FRYL: variants seen among roughly 807,000 people sequenced by gnomAD.
The protein encoded by FRYL is FRY like transcription coactivator.
A neutral mutation model predicts 351.2 loss-of-function variants in FRYL; 150 were observed. The observed-to-expected ratio is 0.43, with a 90% CI of 0.37 to 0.49. FRYL has a LOEUF of 0.49. FRYL is among the 20% of genes least tolerant of loss of function. FRYL has a pLI of 0.00. For missense variants in FRYL, 3,036 were observed against 3,619.3 expected (o/e 0.84, Z 4.13); for synonymous variants, 1,153 against 1,257.1 (o/e 0.92, Z 1.75).
intron 3 of FRYL, among the ~76,000 whole-genome samples, chr4:48,675,826 G>A (rs1261235483): frequency 1.3e-5 from 2 of 152,246 alleles, no homozygotes; most frequent in Non-Finnish European, 2.9e-5. Flanking sequence ...GGGCCTTGGA[G>A]AATCTTTAGG....
chr4:48,538,847 A>G (rs1390065898), intron 47 of FRYL, among the ~76,000 whole-genome samples: 1 of 152,024 alleles, frequency 6.6e-6, no homozygotes, highest in Admixed American at 6.6e-5. Context: ...CCCTCTTAGA[A>G]CTGTTTATAT....
chr4:48,559,168 G>A (rs990247648), intron 33 of FRYL, among the ~76,000 whole-genome samples: 3 of 152,116 alleles, frequency 2.0e-5, no homozygotes, highest in Admixed American at 6.5e-5. Flanking sequence ...CTCAGTCCTG[G>A]CATGCAATTA....
intron 47 of FRYL, among the ~76,000 whole-genome samples, chr4:48,538,855 T>C (rs1242069920): frequency 1.3e-5 from 2 of 152,168 alleles, no homozygotes; most frequent in African/African-American, 4.8e-5. Flanking sequence ...GAACTGTTTA[T>C]ATTTTCAGTC....
chr4:48,712,505 G>A (rs1270513596), intron 1 of FRYL, among the ~76,000 whole-genome samples: 1 of 152,054 alleles, frequency 6.6e-6, no homozygotes, highest in Admixed American at 6.6e-5. Flanking sequence ...AAGCGAGAAG[G>A]GAAGTTTAGA....
chr4:48,771,994 T>C (rs1578989193), intron 1 of FRYL, among the ~76,000 whole-genome samples: 1 of 152,198 alleles, frequency 6.6e-6, no homozygotes, highest in Non-Finnish European at 1.5e-5. Flanking sequence ...CAAAATATGA[T>C]TCTCTGTACA....
At chr4:48,639,365 A>G (rs932530374) in intron 3 of FRYL, among the ~76,000 whole-genome samples, 3 of 152,116 alleles carry the variant, frequency 2.0e-5, no homozygotes, top group African/African-American at 7.2e-5. Context: ...TAGAATAGAG[A>G]GCCCAGAAAT....
At chr4:48,547,859 T>A in intron 40 of FRYL, 90 bp from the exon 41 acceptor site, 1 of 862,866 alleles carries the variant, frequency 1.2e-6, no homozygotes. Flanking sequence ...AAGGAGAAAT[T>A]ATATGAAAGA....
At chr4:48,642,346 G>A (rs759179488) in intron 3 of FRYL, among the ~76,000 whole-genome samples, 5 of 151,850 alleles carry the variant, frequency 3.3e-5, no homozygotes, top group Non-Finnish European at 5.9e-5. Flanking sequence ...CCATTAACTC[G>A]TCTTCTTTTG....
intron 1 of FRYL, among the ~76,000 whole-genome samples, chr4:48,728,660 G>A (rs974772887): frequency 6.6e-5 from 10 of 152,268 alleles, no homozygotes; most frequent in South Asian, 2.1e-4. Flanking sequence ...GAAGCCAGAA[G>A]ATAAAAACAC....
intron 3 of FRYL, among the ~76,000 whole-genome samples, chr4:48,643,158 A>G (rs1171566934): frequency 6.6e-6 from 1 of 152,230 alleles, no homozygotes; most frequent in Non-Finnish European, 1.5e-5. Context: ...GCAGGACCTC[A>G]TCCAGCAAAC....
intron 10 of FRYL, 22 bp downstream of exon 10, chr4:48,606,416 T>C: frequency 1.3e-6 from 2 of 1,539,398 alleles, no homozygotes; most frequent in Non-Finnish European, 1.8e-6. Context: ...CTCTATTTAC[T>C]GTCATTTAGA....
rs1464004077 is a variant in FRYL, at chr4:48,510,128, G to C, written c.8325C>G (p.Leu2775=). ...CTTGCAACTCCAAAACACCAAACTT[G>C]AGTGTTTCCAGCAAACCACATGACA... ...TLMSCGLLET[L]KFGVLELQEH... is the part of the protein sequence containing the mutation. Residue 2775 remains leucine (L), a synonymous_variant, in exon 59 of 64, where the codon CTC becomes CTG. Transcript: ENST00000358350. The C allele has an allele frequency of 1.2e-6, 2 of 1,613,078 alleles. No individual in the cohort carries two copies. Among genetic ancestry groups the C allele is most frequent in the African/African-American group, 1.3e-5 (1 of 74,874 alleles).
At chr4:48,611,768 AT>A (rs1748257373) in intron 7 of FRYL, among the ~76,000 whole-genome samples, 1 of 152,108 alleles carries the variant, frequency 6.6e-6, no homozygotes, top group Non-Finnish European at 1.5e-5. Context: ...TTTTAGTAAT[AT>A]TTTCTAATTT....
intron 1 of FRYL, among the ~76,000 whole-genome samples, chr4:48,758,870 G>A (rs1169060999): frequency 2.6e-5 from 4 of 152,142 alleles, no homozygotes; most frequent in Non-Finnish European, 5.9e-5. Context: ...AGAAAATGTG[G>A]CACATATACA....
At chr4:48,513,472 T>C (rs1428085021) in intron 56 of FRYL, among the ~76,000 whole-genome samples, 1 of 152,186 alleles carries the variant, frequency 6.6e-6, no homozygotes, top group Non-Finnish European at 1.5e-5. Flanking sequence ...AAGATGTATT[T>C]GGGTTGGACA....
At chr4:48,713,629 G>A (rs558493849) in intron 1 of FRYL, among the ~76,000 whole-genome samples, 2 of 152,010 alleles carry the variant, frequency 1.3e-5, no homozygotes, top group Non-Finnish European at 2.9e-5. Context: ...AGCAAGTCCT[G>A]AGTGACCTAC....
chr4:48,674,381 A>T (rs1037950567), intron 3 of FRYL, among the ~76,000 whole-genome samples: 4 of 152,198 alleles, frequency 2.6e-5, no homozygotes, highest in Admixed American at 2.6e-4. Flanking sequence ...CAGTCTAAGG[A>T]TATTTAAGCA....
chr4:48,690,061 TA>T (rs1339516780), intron 2 of FRYL, among the ~76,000 whole-genome samples: 1 of 14,834 alleles, frequency 6.7e-5, no homozygotes, highest in Admixed American at 1.2e-3. Flanking sequence ...CGTGCCCAGC[TA>T]ATTTTTTTTT....
chr4:48,519,607 A>T (rs1018761638), intron 55 of FRYL, among the ~76,000 whole-genome samples: 6 of 151,276 alleles, frequency 4.0e-5, no homozygotes, highest in African/African-American at 1.5e-4. Context: ...CATTCAGGTG[A>T]TTCTCCTGCC....
Sources: allele counts gnomAD v4.1 joint callset (sites outside exome capture counted in the v4.1 genomes callset), GRCh38; gene constraint gnomAD v4.1.1; transcripts MANE v1.5; gene names NCBI Gene and HGNC (gene_info 2026-07-23, HGNC 2026-07-21).